Variants in RALGAPA2 observed in about 807,000 individuals in gnomAD.
The protein encoded by RALGAPA2 is Ral GTPase activating protein catalytic subunit alpha 2.
In RALGAPA2, 139 loss-of-function variants were observed where a neutral mutation model predicts 230.4. The ratio of observed to expected loss-of-function variants is 0.60; its 90% CI spans 0.53 to 0.69. The LOEUF is 0.69. RALGAPA2 is among the 30% of genes least tolerant of loss of function. The probability of loss-of-function intolerance (pLI) is 0.00; values close to 1 mark genes in which losing one functional copy is unlikely to be tolerated. For synonymous variants in RALGAPA2, 847 were observed against 837.8 expected, an observed-to-expected ratio of 1.01 and a Z score of -0.19; for missense variants, 2,163 against 2,276.0, an observed-to-expected ratio of 0.95 and a Z score of 1.01.
chr20:20,412,054 A>G lies in RALGAPA2; in HGVS notation c.5590T>C (p.Ser1864Pro), dbSNP rs1366532283. Reference sequence around the variant, plus strand: ...GTTCCGCTGAGGGAGTAGCTGGGAGAGGGAGAAAAGACTTGGGCTGCGAAA... The same window carrying G: ...GTTCCGCTGAGGGAGTAGCTGGGAGGGGGAGAAAAGACTTGGGCTGCGAAA... ...EDFAAQVFSP[S>P]PSYSLSGTD is the part of the protein sequence containing the mutation. The change falls in exon 38 of 40, where the codon TCT becomes CCT. Residue 1864 changes from serine to proline, a missense_variant. By Grantham distance (74) the Ser-to-Pro change is moderately conservative. Coordinates refer to ENST00000202677, the MANE Select transcript of RALGAPA2 (RefSeq NM_020343.4). 1.2e-6 allele frequency: 2 copies of G among 1,614,002 alleles called. No homozygotes were observed. The highest frequency in any genetic ancestry group is 3.3e-5 in the Admixed American group (2 of 60,028).
chr20:20,654,725 G>A (rs1260658536), intron 3 of RALGAPA2, among the ~76,000 whole-genome samples: 1 of 152,160 alleles, frequency 6.6e-6, no homozygotes, highest in Non-Finnish European at 1.5e-5. Flanking sequence ...TATCTCTTCT[G>A]CATACTGATT....
At chr20:20,574,117 T>C (rs2064743693) in intron 20 of RALGAPA2, among the ~76,000 whole-genome samples, 6 of 152,218 alleles carry the variant, frequency 3.9e-5, no homozygotes, top group Admixed American at 2.6e-4. Flanking sequence ...CTTGATACTG[T>C]TGGTTTTTAA....
chr20:20,493,903 A>G (rs1336795666), intron 36 of RALGAPA2, among the ~76,000 whole-genome samples: 1 of 152,220 alleles, frequency 6.6e-6, no homozygotes, highest in Non-Finnish European at 1.5e-5. Context: ...CCTCAATAGA[A>G]AAGAGGGTTC....
Position 20,531,724 on chromosome 20 carries a change from A to G in RALGAPA2, c.3545T>C (p.Val1182Ala). Residue 1182 changes from valine to alanine, a missense_variant, in exon 27 of 40, where the codon GTG becomes GCG. Physicochemically the swap from Val to Ala is moderately conservative, Grantham distance 64 (BLOSUM62 0). Transcript: ENST00000202677. ...TCCTATCACATTGATGGCCTCTTTC[A>G]CCTGAGGGTGGCTTGTACACTGTGC... ...ELAQCTSHPQ[V>A]KEAINVIGVT... 6.2e-7 allele frequency: 1 copy of G among 1,608,676 alleles called. No homozygotes were observed. Among genetic ancestry groups the G allele is most frequent in the Middle Eastern group, 1.7e-4 (1 of 6,056 alleles).
chr20:20,634,349 T>A (rs1015732461), intron 9 of RALGAPA2, among the ~76,000 whole-genome samples: 1 of 152,184 alleles, frequency 6.6e-6, no homozygotes, highest in African/African-American at 2.4e-5. Context: ...GCAATAATCA[T>A]TATCATTTTC....
At chr20:20,561,478 G>T (rs1296562488) in intron 23 of RALGAPA2, among the ~76,000 whole-genome samples, 2 of 152,156 alleles carry the variant, frequency 1.3e-5, no homozygotes, top group Admixed American at 1.3e-4. Flanking sequence ...TGGGCTTCCA[G>T]ACAAAATTCA....
At chr20:20,673,372 C>T (rs978326769) in intron 3 of RALGAPA2, among the ~76,000 whole-genome samples, 1 of 151,794 alleles carries the variant, frequency 6.6e-6, no homozygotes, top group African/African-American at 2.4e-5. Flanking sequence ...ATTACCAACA[C>T]CACCACCACT....
chr20:20,638,556 C>T (rs2066932589), intron 7 of RALGAPA2, among the ~76,000 whole-genome samples: 1 of 152,162 alleles, frequency 6.6e-6, no homozygotes, highest in Non-Finnish European at 1.5e-5. Context: ...ATATCAATTC[C>T]ATCCGCCTTA....
chr20:20,535,797 G>C lies in RALGAPA2; in HGVS notation c.3421C>G (p.Leu1141Val). Reference protein sequence around the residue: ...ITGTEDVKHYLINILLKNATE... With the variant: ...ITGTEDVKHYVINILLKNATE... Reference sequence around the variant, plus strand: ...GCATTCTTCAGTAAAATATTTATGAGGTAATGCTAAAAACACAAAATTAAG... The same window carrying C: ...GCATTCTTCAGTAAAATATTTATGACGTAATGCTAAAAACACAAAATTAAG... The change falls in exon 26 of 40, where the codon CTC becomes GTC. Residue 1141 changes from leucine to valine, a missense_variant. Leu to Val is a conservative substitution (Grantham distance 32). Coordinates refer to ENST00000202677, the MANE Select transcript of RALGAPA2 (RefSeq NM_020343.4). 2 of 1,545,656 alleles carry C rather than the reference G, an allele frequency of 1.3e-6. No individual in the cohort carries two copies. The highest frequency in any genetic ancestry group is 1.4e-5 in the African/African-American group (1 of 72,984).
At chr20:20,514,368 T>C (rs978596109) in intron 31 of RALGAPA2, among the ~76,000 whole-genome samples, 2 of 152,102 alleles carry the variant, frequency 1.3e-5, no homozygotes, top group East Asian at 1.9e-4. Context: ...AGCCCCTCTC[T>C]GCTTCATGCT....
intron 27 of RALGAPA2, among the ~76,000 whole-genome samples, chr20:20,530,267 C>T (rs948172648): frequency 6.6e-6 from 1 of 152,174 alleles, no homozygotes; most frequent in African/African-American, 2.4e-5. Flanking sequence ...ATTAAACTTG[C>T]CTACAAAGGT....
In RALGAPA2 at chr20:20,635,544, C is replaced by T. The variant is rs2146466889; in HGVS notation, c.879G>A (p.Lys293=). 1.3e-6 allele frequency: 2 copies of T among 1,591,612 alleles called. No individual in the cohort carries two copies. Among genetic ancestry groups the T allele is most frequent in the Non-Finnish European group, 1.7e-6 (2 of 1,171,742 alleles). ...CAACACGAGCTGCCATATATGGAAT[C>T]TTTGTACTGTAAATGTTCTCATTGT... The part of the protein sequence containing the change: ...TRDNENIYST[K]IPYMAARVVF... The change falls in exon 9 of 40, where the codon AAG becomes AAA. Residue 293 remains lysine (K), a synonymous_variant. Coordinates refer to ENST00000202677, the MANE Select transcript of RALGAPA2 (RefSeq NM_020343.4).
At chr20:20,653,144 C>T (rs1290438641) in intron 4 of RALGAPA2, among the ~76,000 whole-genome samples, 5 of 140,026 alleles carry the variant, frequency 3.6e-5, no homozygotes, top group Admixed American at 3.1e-4. Context: ...TGCAATGAGC[C>T]GAGATCACAC....
intron 36 of RALGAPA2, among the ~76,000 whole-genome samples, chr20:20,476,272 GATA>G (rs1368511516): frequency 6.6e-6 from 1 of 152,050 alleles, no homozygotes; most frequent in Non-Finnish European, 1.5e-5. Flanking sequence ...TAGTCAAGAT[GATA>G]ATAAGAAGAC....
chr20:20,608,189 A>G (rs796418063), intron 14 of RALGAPA2, among the ~76,000 whole-genome samples: 1 of 152,332 alleles, frequency 6.6e-6, no homozygotes, highest in African/African-American at 2.4e-5. Context: ...AAACACCTTA[A>G]CTAATAAATC....
chr20:20,472,753 T>C (rs2061566777), intron 37 of RALGAPA2, 76 bp downstream of exon 37: 8 of 1,514,006 alleles, frequency 5.3e-6, no homozygotes, highest in African/African-American at 1.4e-5. Context: ...TTTGAATACT[T>C]ACCTCTTATG....
At chr20:20,515,954 G>T (rs2062858636) in intron 31 of RALGAPA2, among the ~76,000 whole-genome samples, 1 of 152,160 alleles carries the variant, frequency 6.6e-6, no homozygotes, top group Non-Finnish European at 1.5e-5. Context: ...CGGCAGATCT[G>T]GGTTCTGCGT....
In RALGAPA2 at chr20:20,437,865, T is replaced by C. The variant is rs896967781; in HGVS notation, c.5496-25717A>G. ...CCATGCGGGCAGGAACTGTGGTATATCTAGCACCCAGAGAACAGGCCCCAT... is the reference window on the plus strand; with the variant it reads ...CCATGCGGGCAGGAACTGTGGTATACCTAGCACCCAGAGAACAGGCCCCAT... On this transcript the variant is annotated intron_variant, in intron 37 of 39. Transcript: ENST00000202677. The surrounding 1 kb of genome is among the most constrained non-coding windows in gnomAD (Gnocchi z 4.1). 6.6e-6 allele frequency among the ~76,000 whole-genome samples: 1 copy of C among 152,188 alleles called. No individual in the cohort carries two copies. Among genetic ancestry groups the C allele is most frequent in the Non-Finnish European group, 1.5e-5 (1 of 68,034 alleles).
At chr20:20,499,428 TA>T (rs1421667610) in intron 35 of RALGAPA2, among the ~76,000 whole-genome samples, 2 of 152,222 alleles carry the variant, frequency 1.3e-5, no homozygotes, top group Non-Finnish European at 2.9e-5. Flanking sequence ...AAGAAAATTA[TA>T]GAATATGGTG....
Sources: gnomAD v4.1 joint callset for allele counts (sites outside exome capture counted in the v4.1 genomes callset) on GRCh38, gnomAD v4.1.1 for gene constraint, Gnocchi (gnomAD v3.1) non-coding constraint, MANE v1.5 for transcripts, NCBI Gene and HGNC (gene_info 2026-07-23, HGNC 2026-07-21) for gene names.